The following ERICH3 variants were observed in gnomAD, a reference collection of about 807,000 sequenced individuals.
ERICH3 encodes glutamate-rich protein 3.
In ERICH3, 126 loss-of-function variants were observed where a neutral mutation model predicts 131.1. That is an observed-to-expected ratio of 0.96 (90% CI 0.83 to 1.11). ERICH3 has a LOEUF of 1.11. ERICH3 is among the 50% of genes most tolerant of loss of function. ERICH3 has a pLI of 0.00. For synonymous variants in ERICH3, 695 were observed against 644.6 expected, an observed-to-expected ratio of 1.08 and a Z score of -1.18; for missense variants, 2,050 against 1,810.7, an observed-to-expected ratio of 1.13 and a Z score of -2.40.
intron 6 of ERICH3, chr1:74,634,543 A>T (rs1557693518): frequency 6.6e-6 from 4 of 603,474 alleles, no homozygotes; most frequent in Non-Finnish European, 1.2e-5. Flanking sequence ...GGAAAAAAAA[A>T]TTGCTCCCCA....
chr1:74,618,447 G>T (rs1412490614), intron 8 of ERICH3, among the ~76,000 whole-genome samples: 1 of 152,178 alleles, frequency 6.6e-6, no homozygotes. Flanking sequence ...TGCACAGATA[G>T]ATGCAACAGG....
intron 1 of ERICH3, among the ~76,000 whole-genome samples, chr1:74,665,997 T>C (rs607733): frequency 0.26 from 39,988 of 151,896 alleles, 5,412 homozygotes; most frequent in East Asian, 0.35. Flanking sequence ...AAACCCAAAA[T>C]ACCATAACTT....
chr1:74,639,960 G>A (rs1646423810), intron 5 of ERICH3, among the ~76,000 whole-genome samples: 1 of 152,150 alleles, frequency 6.6e-6, no homozygotes, highest in African/African-American at 2.4e-5. Context: ...TTAATTCCAA[G>A]ATCACAATAG....
chr1:74,627,263 T>C (rs1384621273), intron 7 of ERICH3, among the ~76,000 whole-genome samples: 1 of 151,886 alleles, frequency 6.6e-6, no homozygotes, highest in Non-Finnish European at 1.5e-5. Flanking sequence ...CTGAAGCCTA[T>C]AGGGATGGGT....
At chr1:74,635,629 C>G (rs1216737924) in intron 6 of ERICH3, among the ~76,000 whole-genome samples, 2 of 152,084 alleles carry the variant, frequency 1.3e-5, no homozygotes, top group Admixed American at 1.3e-4. Context: ...AATACTTTCC[C>G]TAATTAGTGA....
At chr1:74,661,582 CCTTCCAATTAG>C (rs1158536090) in intron 1 of ERICH3, among the ~76,000 whole-genome samples, 5 of 152,088 alleles carry the variant, frequency 3.3e-5, no homozygotes, top group Non-Finnish European at 7.4e-5. Context: ...CTCTATGCTC[CCTTCCAATTAG>C]CTTGGGACAT....
At chr1:74,671,316 CT>C (rs1173758112) in intron 1 of ERICH3, among the ~76,000 whole-genome samples, 2 of 151,540 alleles carry the variant, frequency 1.3e-5, no homozygotes, top group African/African-American at 4.9e-5. Context: ...GCCCTTTGTC[CT>C]GTTCCCTCAG....
chr1:74,655,224 T>A (rs1362183954), intron 1 of ERICH3, among the ~76,000 whole-genome samples: 2 of 152,186 alleles, frequency 1.3e-5, no homozygotes, highest in Non-Finnish European at 2.9e-5. Context: ...TTAACCCAAA[T>A]TGTGACTTAT....
rs981243530 is a variant in ERICH3, at chr1:74,599,975, C to T, written c.1490-44G>A. 2.2e-6 allele frequency: 3 copies of T among 1,378,540 alleles called. No homozygotes were observed. In the African/African-American group the frequency reaches 4.4e-5, roughly 20 times the overall value. The allele number at this position is 1,378,540 out of a possible 1,614,324, so 85.4% of individuals were successfully genotyped here. On this transcript the variant is annotated intron_variant, in intron 10 of 14. Transcript: ENST00000326665. ...CACTATAAGAATGAAAATAGAACCC[C>T]TTATACTTAACCTATTTCTCTCTAA...
intron 11 of ERICH3, among the ~76,000 whole-genome samples, chr1:74,597,205 T>C (rs1432432761): frequency 5.3e-5 from 8 of 151,908 alleles, no homozygotes; most frequent in Admixed American, 4.6e-4. Context: ...CTGGATAAAA[T>C]CTCTAATGCT....
At chr1:74,646,631 A>G in intron 3 of ERICH3, 36 bp downstream of exon 3, 1 of 1,109,572 alleles carries the variant, frequency 9.0e-7, no homozygotes, top group Non-Finnish European at 1.2e-6. Context: ...AGTAGAAAAA[A>G]ATAAAATAAA....
At position 74,636,381 on chromosome 1, in the gene ERICH3, G is replaced by T. The variant is rs768777212; in HGVS notation, c.502C>A (p.Pro168Thr). The change falls in exon 6 of 15, where the codon CCT becomes ACT. Residue 168 changes from proline (P) to threonine (T), a missense_variant. Physicochemically the swap from Pro to Thr is conservative, Grantham distance 38. Coordinates refer to ENST00000326665, the MANE Select transcript of ERICH3 (RefSeq NM_001002912.5). ...GNMQPPIRLQ[P>T]LPSNPAVETV... ...TCTACTGCAGGATTACTGGGAAGAG[G>T]CTGTAATCGAATTGGAGGCTGCATA... 4.5e-5 allele frequency: 72 copies of T among 1,612,750 alleles called. 1 individual carries two copies. In the South Asian group the frequency reaches 6.7e-4, roughly 15 times the overall value.
At chr1:74,664,785 G>A (rs1357515873) in intron 1 of ERICH3, among the ~76,000 whole-genome samples, 1 of 152,144 alleles carries the variant, frequency 6.6e-6, no homozygotes, top group East Asian at 1.9e-4. Context: ...GTTCCAACCA[G>A]CATCAGGCAC....
intron 1 of ERICH3, among the ~76,000 whole-genome samples, chr1:74,655,272 T>C (rs1646573665): frequency 6.6e-6 from 1 of 152,210 alleles, no homozygotes; most frequent in Non-Finnish European, 1.5e-5. Flanking sequence ...AGTTTCCCAT[T>C]GCTGCTATAA....
At chr1:74,588,229 G>A (rs1037276009) in intron 12 of ERICH3, among the ~76,000 whole-genome samples, 1 of 152,064 alleles carries the variant, frequency 6.6e-6, no homozygotes, top group East Asian at 1.9e-4. Context: ...TACGTTCTTC[G>A]TGAAAACTTT....
intron 4 of ERICH3, among the ~76,000 whole-genome samples, chr1:74,641,752 G>A (rs1286012263): frequency 1.3e-5 from 2 of 152,040 alleles, no homozygotes; most frequent in East Asian, 3.9e-4. Flanking sequence ...ACTGCGATCA[G>A]TAGACTACCA....
chr1:74,628,182 TATCAGAGTAAAAAGTA>T (rs1378493430), intron 7 of ERICH3, among the ~76,000 whole-genome samples: 1 of 152,134 alleles, frequency 6.6e-6, no homozygotes, highest in East Asian at 1.9e-4. Flanking sequence ...GTAAATCATC[TATCAGAGTAAAAAGTA>T]ATCTCTCAAA....
intron 11 of ERICH3, among the ~76,000 whole-genome samples, chr1:74,598,567 C>A (rs1371031032): frequency 6.6e-6 from 1 of 151,648 alleles, no homozygotes. Flanking sequence ...TAATAAAGAG[C>A]CCCTCAATAG....
chr1:74,583,308 A>G (rs1428424536), intron 12 of ERICH3, among the ~76,000 whole-genome samples: 1 of 152,124 alleles, frequency 6.6e-6, no homozygotes, highest in African/African-American at 2.4e-5. Context: ...GATGCTTAAA[A>G]CAGTAGATAG....
Sources: gnomAD v4.1 joint callset for allele counts (sites outside exome capture counted in the v4.1 genomes callset) on GRCh38, gnomAD v4.1.1 for gene constraint, MANE v1.5 for transcripts, NCBI Gene and HGNC (gene_info 2026-07-23, HGNC 2026-07-21) for gene names.